The following DLG2 variants were observed in gnomAD, a reference collection of about 807,000 sequenced individuals.
DLG2 encodes the protein disks large homolog 2.
DLG2 carries 45 observed loss-of-function variants against 132.5 expected under a neutral mutation model. The ratio of observed to expected loss-of-function variants is 0.34; its 90% CI spans 0.27 to 0.44. DLG2 has a LOEUF of 0.44. DLG2 is among the 20% of genes least tolerant of loss of function. The pLI is 1.00. For missense variants in DLG2, 1,045 were observed against 1,196.9 expected (o/e 0.87, Z 1.87); for synonymous variants, 424 against 419.6 (o/e 1.01, Z -0.13).
intron 18 of DLG2, among the ~76,000 whole-genome samples, chr11:83,650,225 T>C (rs953635411): frequency 6.6e-6 from 1 of 152,212 alleles, no homozygotes; most frequent in Non-Finnish European, 1.5e-5. Flanking sequence ...AAAGGGACTT[T>C]GAAGGTGTGA....
chr11:84,997,552 G>C (rs1174480986), intron 6 of DLG2: 2 of 152,138 alleles, frequency 1.3e-5, no homozygotes, highest in African/African-American at 4.8e-5. Flanking sequence ...ATTGATGAAG[G>C]AACACCTCAA....
intron 6 of DLG2, among the ~76,000 whole-genome samples, chr11:85,014,286 A>C (rs1268621023): frequency 6.6e-6 from 1 of 152,204 alleles, no homozygotes; most frequent in Non-Finnish European, 1.5e-5. Flanking sequence ...TAAGTGCAAC[A>C]AGATATGCAA....
intron 7 of DLG2, among the ~76,000 whole-genome samples, chr11:84,325,461 A>C (rs762517294): frequency 1.3e-5 from 2 of 152,058 alleles, no homozygotes; most frequent in African/African-American, 2.4e-5. Flanking sequence ...AAATGAAATA[A>C]ATGTGTCAAT....
chr11:83,713,084 G>A lies in DLG2; in HGVS notation c.1825+73606C>T, dbSNP rs78310731. Among the ~76,000 whole-genome samples the A allele has an allele frequency of 1.8e-3, 279 of 152,264 alleles. 8 individuals carry two copies. The East Asian group carries it at 0.042, about 23-fold the overall frequency. ...AAAAGATAAATGAATACACTAGGCA[G>A]ATTATCATATTAGTTACACAGTGCT... On this transcript the variant is annotated intron_variant, in intron 18 of 27. Transcript: ENST00000376104.
chr11:83,469,256 T>C lies in DLG2; in HGVS notation c.2564A>G (p.Tyr855Cys). Residue 855 changes from tyrosine to cysteine, a missense_variant, in exon 25 of 28, where the codon TAC (tyrosine) becomes TGC (cysteine). Physicochemically the swap from Tyr to Cys is radical, Grantham distance 194 (BLOSUM62 -2). Around this residue, in one of 4 missense-constraint regions of DLG2, gnomAD observed 398 missense variants for 543.6 expected, o/e 0.73. Coordinates refer to ENST00000376104, the MANE Select transcript of DLG2 (RefSeq NM_001142699.3). ...ACTGGTTCCATATAAATTGTCATTGTACTGGCCGGCTTCTATAAACTTGTG... is the reference window on the plus strand; with the variant it reads ...ACTGGTTCCATATAAATTGTCATTGCACTGGCCGGCTTCTATAAACTTGTG... The part of the protein sequence containing the change: ...QEHKFIEAGQ[Y>C]NDNLYGTSVQ... 1 of 1,613,820 alleles carries C rather than the reference T, an allele frequency of 6.2e-7. No individual in the cohort carries two copies.
intron 3 of DLG2, among the ~76,000 whole-genome samples, chr11:85,484,162 G>A (rs529639531): frequency 5.7e-4 from 86 of 151,992 alleles, no homozygotes; most frequent in Non-Finnish European, 1.0e-3. Flanking sequence ...CGCGCAGTCC[G>A]CCCGGAGGAT....
chr11:84,269,819 GAT>G (rs2097696249), intron 7 of DLG2, among the ~76,000 whole-genome samples: 1 of 152,200 alleles, frequency 6.6e-6, no homozygotes, highest in South Asian at 2.1e-4. Flanking sequence ...ATGAAATCCA[GAT>G]ATGATTGTTA....
intron 13 of DLG2, among the ~76,000 whole-genome samples, chr11:83,964,949 G>T: frequency 6.6e-6 from 1 of 151,978 alleles, no homozygotes; most frequent in Non-Finnish European, 1.5e-5. Flanking sequence ...CTATTTGCCA[G>T]TCTCTTTTCT....
chr11:84,947,052 C>T (rs1200978196), intron 6 of DLG2, among the ~76,000 whole-genome samples: 1 of 152,200 alleles, frequency 6.6e-6, no homozygotes, highest in Admixed American at 6.5e-5. Flanking sequence ...CTCCCAAGCA[C>T]ACAGATTCTA....
In DLG2 at chr11:84,512,680, A is replaced by G. The variant is rs548648519; in HGVS notation, c.519+21890T>C. On this transcript the variant is annotated intron_variant, in intron 7 of 27. Coordinates refer to ENST00000376104, the MANE Select transcript of DLG2 (RefSeq NM_001142699.3). ...CAATACAGCTACCAGCAGACTTCTTAGTAGAAACTTTATAGGCCAAGAGAA... is the reference window on the plus strand; with the variant it reads ...CAATACAGCTACCAGCAGACTTCTTGGTAGAAACTTTATAGGCCAAGAGAA... Among the ~76,000 whole-genome samples, 23 of 152,274 alleles carry G rather than the reference A, an allele frequency of 1.5e-4. No individual in the cohort carries two copies. The South Asian group carries it at 4.8e-3, about 32-fold the overall frequency.
At chr11:83,821,053 C>A (rs948735503) in intron 17 of DLG2, among the ~76,000 whole-genome samples, 1 of 152,206 alleles carries the variant, frequency 6.6e-6, no homozygotes, top group African/African-American at 2.4e-5. Flanking sequence ...CCTATGAACA[C>A]CTGTGTGTGC....
At chr11:84,745,874 A>T (rs1399333943) in intron 6 of DLG2, among the ~76,000 whole-genome samples, 2 of 152,240 alleles carry the variant, frequency 1.3e-5, no homozygotes, top group Non-Finnish European at 2.9e-5. Context: ...TTCCCATTCA[A>T]AAATGAATTG....
chr11:85,364,024 T>C (rs2084353938), intron 3 of DLG2, among the ~76,000 whole-genome samples: 1 of 152,272 alleles, frequency 6.6e-6, no homozygotes, highest in Middle Eastern at 3.4e-3. Context: ...AAAGTATATA[T>C]AATTGTATTA....
At chr11:84,445,183 C>T (rs908752519) in intron 7 of DLG2, among the ~76,000 whole-genome samples, 63 of 152,132 alleles carry the variant, frequency 4.1e-4, no homozygotes, top group African/African-American at 1.5e-3. Context: ...TTATTATTAT[C>T]ACCATTATCA....
At chr11:85,076,445 A>G (rs1425175030) in intron 6 of DLG2, among the ~76,000 whole-genome samples, 1 of 152,022 alleles carries the variant, frequency 6.6e-6, no homozygotes, top group Non-Finnish European at 1.5e-5. Context: ...TTATTCATCC[A>G]CCTGGAGGCA....
intron 8 of DLG2, among the ~76,000 whole-genome samples, chr11:84,218,561 G>C (rs1213111758): frequency 6.6e-6 from 1 of 152,178 alleles, no homozygotes; most frequent in Non-Finnish European, 1.5e-5. Context: ...AGGCTTTTAA[G>C]AAAACGGTAT....
chr11:83,563,122 C>T (rs1176017193), intron 19 of DLG2, among the ~76,000 whole-genome samples: 2 of 151,734 alleles, frequency 1.3e-5, no homozygotes, highest in Admixed American at 1.3e-4. Flanking sequence ...CTACAGGTGC[C>T]TGCCACCACG....
intron 3 of DLG2, among the ~76,000 whole-genome samples, chr11:85,583,055 AAAAT>A (rs141574196): frequency 0.053 from 6,341 of 118,820 alleles, 233 homozygotes; most frequent in African/African-American, 0.064. Context: ...GGGGAAAAAA[AAAAT>A]ATATATATAT....
At chr11:84,774,104 A>C (rs1025747767) in intron 6 of DLG2, among the ~76,000 whole-genome samples, 2 of 152,098 alleles carry the variant, frequency 1.3e-5, no homozygotes, top group African/African-American at 4.8e-5. Context: ...ACACAAAATC[A>C]ATGTAAAAAA....
Sources: gnomAD v4.1 joint callset for allele counts (sites outside exome capture counted in the v4.1 genomes callset) on GRCh38, gnomAD v4.1.1 for gene constraint, gnomAD v4.1.1 regional missense constraint, MANE v1.5 for transcripts, NCBI Gene and HGNC (gene_info 2026-07-23, HGNC 2026-07-21) for gene names.